The following AVEN variants were observed in gnomAD, a reference collection of about 807,000 sequenced individuals.
The protein encoded by AVEN is cell death regulator Aven.
In AVEN, 41 loss-of-function variants were observed where a neutral mutation model predicts 38.1. That is an observed-to-expected ratio of 1.08 (90% CI 0.84 to 1.40). The LOEUF is 1.40. Among genes scored for constraint, AVEN ranks in the 40% most tolerant of loss-of-function variants. The probability of loss-of-function intolerance (pLI) is 0.00; values close to 1 mark genes in which losing one functional copy is unlikely to be tolerated. For missense variants in AVEN, 605 were observed against 438.8 expected (o/e 1.38, Z -3.38); for synonymous variants, 206 against 171.8 (o/e 1.20, Z -1.56).
At chr15:33,992,347 G>A (rs1296845770) in intron 2 of AVEN, among the ~76,000 whole-genome samples, 3 of 151,354 alleles carry the variant, frequency 2.0e-5, no homozygotes, top group African/African-American at 4.9e-5. Flanking sequence ...CCGAGATTGC[G>A]CCACTGCACT....
chr15:33,936,333 A>C (rs924472964), intron 2 of AVEN, among the ~76,000 whole-genome samples: 1 of 152,236 alleles, frequency 6.6e-6, no homozygotes, highest in African/African-American at 2.4e-5. Context: ...CACTAAGGTT[A>C]CTGGATCAGA....
chr15:34,053,373 T>C (rs931835021), intron 5 of AVEN, among the ~76,000 whole-genome samples: 12 of 136,836 alleles, frequency 8.8e-5, no homozygotes, highest in Non-Finnish European at 1.7e-4. Flanking sequence ...ATAGCCAAGA[T>C]AATCCGAAGG....
chr15:34,066,012 A>C (rs1400151012), exon 4 of AVEN: 5 of 152,288 alleles, frequency 3.3e-5, no homozygotes, highest in African/African-American at 4.8e-5. Flanking sequence ...GAAGAGCATC[A>C]TCAGCCTCTC....
intron 2 of AVEN, among the ~76,000 whole-genome samples, chr15:33,892,583 T>C (rs1347876670): frequency 3.3e-5 from 5 of 152,228 alleles, no homozygotes; most frequent in African/African-American, 1.2e-4. Context: ...TCCATTGGTC[T>C]GTATCTCTGT....
At chr15:34,046,015 G>A (rs1176320779) in intron 5 of AVEN, among the ~76,000 whole-genome samples, 3 of 152,098 alleles carry the variant, frequency 2.0e-5, no homozygotes, top group African/African-American at 7.2e-5. Context: ...TCTAGATGGT[G>A]GGATGAAAAA....
downstream of AVEN, chr15:33,865,300 G>A: frequency 1.0e-6 from 1 of 991,308 alleles, no homozygotes. Flanking sequence ...TTACAGTTCT[G>A]CAACATATCT....
chr15:33,958,639 C>T (rs115838657), intron 2 of AVEN, among the ~76,000 whole-genome samples: 219 of 151,944 alleles, frequency 1.4e-3, no homozygotes, highest in African/African-American at 5.0e-3. Context: ...TCTTTATACA[C>T]TTTTCCCCAT....
intron 1 of AVEN, among the ~76,000 whole-genome samples, chr15:34,036,848 AATCCAT>A (rs72109981): frequency 0.15 from 22,404 of 152,068 alleles, 2,017 homozygotes; most frequent in Middle Eastern, 0.27. Flanking sequence ...TCACACCTGT[AATCCAT>A]ATCCCAGCAC....
At chr15:34,027,321 C>A (rs943784691) in intron 1 of AVEN, among the ~76,000 whole-genome samples, 5 of 151,944 alleles carry the variant, frequency 3.3e-5, no homozygotes, top group Non-Finnish European at 7.4e-5. Context: ...TCAAAACCAG[C>A]CTGGCCAACA....
intron 5 of AVEN, chr15:34,062,909 TAAC>T: frequency 6.2e-7 from 1 of 1,614,194 alleles, no homozygotes; most frequent in Non-Finnish European, 8.5e-7. Context: ...TCAAGACAGT[TAAC>T]AACTATTACC....
chr15:34,063,462 C>G lies in AVEN; in HGVS notation n.1127-30G>C. 6.2e-7 allele frequency: 1 copy of G among 1,613,894 alleles called. No individual in the cohort carries two copies. The highest frequency in any genetic ancestry group is 1.3e-5 in the African/African-American group (1 of 75,056). On this transcript the variant is annotated intron_variant and non_coding_transcript_variant, in intron 4 of 11. Coordinates refer to the AVEN transcript ENST00000675287. The surrounding 1 kb of genome is among the most constrained non-coding windows in gnomAD (Gnocchi z 4.1). ...GAAGAGAAAGCCAGCTCATAGGGCT[C>G]TGTTCAGATCCTGCTTGCGCTGTCC...
chr15:34,050,059 T>G (rs1899878221), intron 5 of AVEN, among the ~76,000 whole-genome samples: 1 of 152,056 alleles, frequency 6.6e-6, no homozygotes, highest in African/African-American at 2.4e-5. Flanking sequence ...GGCTAATTTT[T>G]GTATTTTTAG....
chr15:34,044,094 A>G (rs1567486213), upstream of AVEN, among the ~76,000 whole-genome samples: 4 of 151,250 alleles, frequency 2.6e-5, no homozygotes, highest in African/African-American at 4.9e-5. Context: ...TTTAAAAAAA[A>G]TGAAAAAAAA....
rs1252538159 is a variant in AVEN at position 33,867,600 on chromosome 15, G to C, written c.868C>G (p.Leu290Val). 2.5e-6 allele frequency: 4 copies of C among 1,614,070 alleles called. No homozygotes were observed. The highest frequency in any genetic ancestry group is 3.4e-6 in the Non-Finnish European group (4 of 1,180,046). ...TCTTTTATAGGTGCATCTAAATTAA[G>C]CAACAGATCTAGTTCTTCTTCCAAA... ...DHLEEELDLL[L>V]NLDAPIKEGD... is the part of the protein sequence containing the mutation. The change falls in exon 5 of 6, where the codon CTT becomes GTT. Residue 290 changes from leucine to valine, a missense_variant. Transcript: ENST00000306730.
intron 2 of AVEN, among the ~76,000 whole-genome samples, chr15:33,919,563 TC>T (rs1427136333): frequency 6.6e-6 from 1 of 152,050 alleles, no homozygotes; most frequent in Non-Finnish European, 1.5e-5. Context: ...GGAATATCAA[TC>T]CCCCTTAGAC....
At chr15:33,971,678 T>C (rs980474012) in intron 2 of AVEN, among the ~76,000 whole-genome samples, 3 of 152,146 alleles carry the variant, frequency 2.0e-5, no homozygotes, top group Non-Finnish European at 4.4e-5. Flanking sequence ...TATTTACTTA[T>C]ATCTTCATTA....
intron 2 of AVEN, among the ~76,000 whole-genome samples, chr15:33,900,388 G>T (rs1054728456): frequency 1.3e-5 from 2 of 151,330 alleles, no homozygotes; most frequent in African/African-American, 4.9e-5. Flanking sequence ...GCTTACTGCA[G>T]CCTCAACCTC....
At chr15:34,017,480 T>G (rs992692060) in intron 1 of AVEN, among the ~76,000 whole-genome samples, 3 of 50,228 alleles carry the variant, frequency 6.0e-5, no homozygotes. Context: ...ATGATTTTTT[T>G]TTTGTTTTTT....
At chr15:34,055,245 T>G (rs1264508370) in intron 5 of AVEN, among the ~76,000 whole-genome samples, 2 of 149,654 alleles carry the variant, frequency 1.3e-5, no homozygotes, top group Non-Finnish European at 3.0e-5. Context: ...GCACCTGTAA[T>G]CCCAGCATTT....
Sources: allele counts gnomAD v4.1 joint callset (sites outside exome capture counted in the v4.1 genomes callset), GRCh38; gene constraint gnomAD v4.1.1; non-coding constraint Gnocchi (gnomAD v3.1); transcripts MANE v1.5; gene names NCBI Gene and HGNC (gene_info 2026-07-23, HGNC 2026-07-21).